The following AEBP2 variants were observed in gnomAD, a reference collection of about 807,000 sequenced individuals.
AEBP2 encodes AE binding protein 2.
In AEBP2, 10 loss-of-function variants were observed where a neutral mutation model predicts 50.8. The observed-to-expected ratio is 0.20, with a 90% CI of 0.12 to 0.33. AEBP2 has a LOEUF of 0.33. AEBP2 is among the 10% of genes least tolerant of loss of function. The pLI, the probability that AEBP2 is intolerant of heterozygous loss-of-function variation, is 1.00. For synonymous variants in AEBP2, 296 were observed against 261.3 expected (o/e 1.13, Z -1.28); for missense variants, 570 against 688.0 (o/e 0.83, Z 1.92).
At chr12:19,446,620 T>C (rs1272544156) in intron 1 of AEBP2, among the ~76,000 whole-genome samples, 1 of 151,638 alleles carries the variant, frequency 6.6e-6, no homozygotes, top group Non-Finnish European at 1.5e-5. Flanking sequence ...TAGTCCCAGC[T>C]ACTTGGGAGA....
intron 4 of AEBP2, among the ~76,000 whole-genome samples, chr12:19,495,262 A>C (rs532879651): frequency 6.6e-6 from 1 of 152,208 alleles, no homozygotes; most frequent in African/African-American, 2.4e-5. Flanking sequence ...GAATGAGTGA[A>C]TAAAGCTTTC....
chr12:19,476,926 T>C (rs1948656237), intron 3 of AEBP2, among the ~76,000 whole-genome samples: 2 of 152,122 alleles, frequency 1.3e-5, no homozygotes, highest in African/African-American at 4.8e-5. Flanking sequence ...TTCACAATAT[T>C]AATTCTACCC....
chr12:19,503,624 C>G (rs1949114769), intron 5 of AEBP2, among the ~76,000 whole-genome samples: 1 of 150,466 alleles, frequency 6.6e-6, no homozygotes, highest in South Asian at 2.1e-4. Flanking sequence ...ATTGCTCTGG[C>G]TAGGACTTCC....
At chr12:19,491,508 C>T (rs1280593013) in intron 3 of AEBP2, among the ~76,000 whole-genome samples, 1 of 152,028 alleles carries the variant, frequency 6.6e-6, no homozygotes, top group Non-Finnish European at 1.5e-5. Context: ...CATCTTTATC[C>T]TTCTAGCATA....
At chr12:19,463,763 C>T (rs1229993986) in intron 2 of AEBP2, among the ~76,000 whole-genome samples, 1 of 149,652 alleles carries the variant, frequency 6.7e-6, no homozygotes, top group Non-Finnish European at 1.5e-5. Flanking sequence ...AGCCTCTGCC[C>T]CAAGTGATTC....
intron 1 of AEBP2, among the ~76,000 whole-genome samples, chr12:19,434,307 G>A (rs993074466): frequency 3.3e-5 from 5 of 151,900 alleles, no homozygotes; most frequent in African/African-American, 1.2e-4. Flanking sequence ...CCGAGTAGCT[G>A]GGGTTACAGG....
chr12:19,493,030 T>C (rs1948917959), intron 3 of AEBP2, among the ~76,000 whole-genome samples: 1 of 152,148 alleles, frequency 6.6e-6, no homozygotes, highest in Admixed American at 6.5e-5. Context: ...ATTGAACTTT[T>C]CTCTCACCTG....
At chr12:19,408,862 T>G (rs1020304312) in intron 1 of AEBP2, among the ~76,000 whole-genome samples, 4 of 152,056 alleles carry the variant, frequency 2.6e-5, no homozygotes, top group African/African-American at 9.6e-5. Flanking sequence ...GAGATCTCGC[T>G]ACTGCACTCC....
chr12:19,410,317 G>T (rs2095738614), intron 1 of AEBP2, among the ~76,000 whole-genome samples: 1 of 152,156 alleles, frequency 6.6e-6, no homozygotes, highest in African/African-American at 2.4e-5. Flanking sequence ...AGAACTTTCT[G>T]CCACTATTCT....
At chr12:19,457,120 T>C (rs1948282896) in intron 1 of AEBP2, 1 of 1,599,954 alleles carries the variant, frequency 6.3e-7, no homozygotes, top group East Asian at 2.2e-5. Context: ...GTTGACTTCC[T>C]TAACAATTTC....
intron 1 of AEBP2, chr12:19,456,777 T>C: frequency 1.3e-6 from 2 of 1,583,382 alleles, no homozygotes; most frequent in Non-Finnish European, 1.7e-6. Context: ...TACTTCAGTT[T>C]TAATGTTGAC....
In AEBP2 at chr12:19,446,732, CAAA is replaced by C. The variant is rs34624474; in HGVS notation, c.671+6379_671+6381del. ...GGGCGACAGAGCGAGACTCCGTTTC[CAAA>C]AAAAAAAAAAAAAAAAGATCTCATC... On this transcript the variant is annotated intron_variant, in intron 1 of 7. Transcript: ENST00000266508. 6.0e-3 allele frequency among the ~76,000 whole-genome samples: 688 copies of C among 115,022 alleles called. 3 individuals carry two copies. Among genetic ancestry groups the C allele is most frequent in the African/African-American group, 0.014 (409 of 29,418 alleles). The allele number at this position is 115,022 out of a possible 152,430, so 75.5% of individuals were successfully genotyped here.
intron 5 of AEBP2, chr12:19,509,061 A>G: frequency 3.4e-6 from 2 of 593,768 alleles, no homozygotes; most frequent in African/African-American, 1.8e-5. Flanking sequence ...CCAGGCAGAC[A>G]TGGAGGGGTT....
At position 19,439,857 on chromosome 12, in the gene AEBP2, C is replaced by T. The variant is rs769486399; in HGVS notation, c.158C>T (p.Ala53Val). The T allele has an allele frequency of 1.1e-5, 16 of 1,483,244 alleles. No homozygotes were observed. Among genetic ancestry groups the T allele is most frequent in the Non-Finnish European group, 1.4e-5 (16 of 1,126,200 alleles). 91.9% of individuals were successfully genotyped at this position (1,483,244 alleles called of 1,614,324 possible). A position where few individuals can be genotyped will look rare whatever the true frequency, so the allele number is the denominator to read the frequency against. The change falls in exon 1 of 8, where the codon GCG becomes GTG. Residue 53 changes from alanine (A) to valine (V), a missense_variant. This residue lies in a region of AEBP2 where 386 missense variants were observed against 336.8 expected (regional missense o/e 1.15). Transcript: ENST00000266508. ...GAGGAAGAGGAGGCGGAGGCCGAGG[C>T]GGTGGCGGCGCTGCTGCTGAACGGC... ...EEEEEEAEAE[A>V]VAALLLNGGS...
chr12:19,416,817 G>A (rs537840019), intron 1 of AEBP2, among the ~76,000 whole-genome samples: 1 of 150,340 alleles, frequency 6.7e-6, no homozygotes, highest in East Asian at 2.0e-4. Flanking sequence ...CTCCCAAAGT[G>A]TTGGAATTAC....
chr12:19,413,452 G>A (rs1276533623), intron 1 of AEBP2: 33 of 1,102,106 alleles, frequency 3.0e-5, no homozygotes, highest in Admixed American at 2.5e-4. Context: ...TGAAGAAGAC[G>A]ATTATTGAAC....
At chr12:19,421,134 C>G (rs1237687814) in intron 1 of AEBP2, among the ~76,000 whole-genome samples, 1 of 151,942 alleles carries the variant, frequency 6.6e-6, no homozygotes, top group Admixed American at 6.6e-5. Context: ...CATCTGAGGT[C>G]AGGAGTTCGA....
In AEBP2 at chr12:19,446,556, C is replaced by T. The variant is rs145755386; in HGVS notation, c.671+6186C>T. The stretch of plus-strand genomic sequence containing the variant: ...CATCCTGGCTAACACGGTGAAACCC[C>T]GTCTCTACTAAAAATACAGAAAAAA... On this transcript the variant is annotated intron_variant, in intron 1 of 7. Transcript: ENST00000266508. Among the ~76,000 whole-genome samples the T allele has an allele frequency of 8.5e-4, 130 of 152,098 alleles. 1 individual carries two copies. The highest frequency in any genetic ancestry group is 2.9e-3 in the African/African-American group (122 of 41,510).
Position 19,480,518 on chromosome 12 carries a change from A to G in AEBP2, c.987+7163A>G, listed in dbSNP as rs576948696. Among the ~76,000 whole-genome samples, 7 of 152,328 alleles carry G rather than the reference A, an allele frequency of 4.6e-5. No homozygotes were observed. In the South Asian group the frequency reaches 1.4e-3, roughly 32 times the overall value. On this transcript the variant is annotated intron_variant, in intron 3 of 7. Coordinates refer to ENST00000266508, the MANE Select transcript of AEBP2 (RefSeq NM_153207.5). Reference sequence around the variant, plus strand: ...ACAAATTCTCTTAGCCTTTGTCTGAAAAAGACTTGATCTCTCCTTCATTTA... The same window carrying G: ...ACAAATTCTCTTAGCCTTTGTCTGAGAAAGACTTGATCTCTCCTTCATTTA...
Sources: gnomAD v4.1 joint callset for allele counts (sites outside exome capture counted in the v4.1 genomes callset) on GRCh38, gnomAD v4.1.1 for gene constraint, gnomAD v4.1.1 regional missense constraint, MANE v1.5 for transcripts, NCBI Gene and HGNC (gene_info 2026-07-23, HGNC 2026-07-21) for gene names.